The following DLGAP2 variants were observed in gnomAD, a reference collection of about 807,000 sequenced individuals.
DLGAP2 encodes DLG associated protein 2, also known as disks large-associated protein 2.
Under a neutral mutation model 100.3 loss-of-function variants are expected in DLGAP2, and 26 were observed. That is an observed-to-expected ratio of 0.26 (90% confidence interval 0.19 to 0.36). The LOEUF is 0.36. Among genes scored for constraint, DLGAP2 ranks in the 10% least tolerant of loss-of-function variants. The pLI, the probability that DLGAP2 is intolerant of heterozygous loss-of-function variation, is 1.00. For missense variants in DLGAP2, 1,858 were observed against 1,453.2 expected (o/e 1.28, Z -4.53); for synonymous variants, 886 against 630.1 (o/e 1.41, Z -6.08).
At chr8:1,453,748 A>C (rs73534626) in intron 3 of DLGAP2, among the ~76,000 whole-genome samples, 5,070 of 152,152 alleles carry the variant, frequency 0.033, 275 homozygotes, top group African/African-American at 0.12. Flanking sequence ...CTATTAGAAA[A>C]TGTGTTTGGA....
intron 3 of DLGAP2, among the ~76,000 whole-genome samples, chr8:1,346,286 C>G (rs1017644907): frequency 6.6e-6 from 1 of 151,410 alleles, no homozygotes. Flanking sequence ...AGTTCCCATA[C>G]ACATCTGCAT....
chr8:1,474,308 G>A (rs1012149807), intron 3 of DLGAP2, among the ~76,000 whole-genome samples: 2 of 152,142 alleles, frequency 1.3e-5, no homozygotes, highest in East Asian at 3.8e-4. Context: ...CTGGTTCCGT[G>A]TTTTTGTGAT....
At chr8:963,194 A>C (rs1432410021) in intron 2 of DLGAP2, among the ~76,000 whole-genome samples, 1 of 152,018 alleles carries the variant, frequency 6.6e-6, no homozygotes, top group Non-Finnish European at 1.5e-5. Context: ...GTCTCATAGG[A>C]CCTTGCCTGC....
At chr8:1,241,597 T>A (rs1798798468) in intron 2 of DLGAP2, among the ~76,000 whole-genome samples, 1 of 152,270 alleles carries the variant, frequency 6.6e-6, no homozygotes, top group Admixed American at 6.5e-5. Flanking sequence ...AGTCAGCTTC[T>A]AGAGACTTTT....
At chr8:785,454 G>C (rs1166308058) in intron 1 of DLGAP2, among the ~76,000 whole-genome samples, 1 of 148,610 alleles carries the variant, frequency 6.7e-6, no homozygotes, top group Non-Finnish European at 1.5e-5. Flanking sequence ...AGGTCTCTCT[G>C]AGACCGGCCT....
At chr8:1,230,434 C>A (rs1460891760) in intron 2 of DLGAP2, among the ~76,000 whole-genome samples, 1 of 152,088 alleles carries the variant, frequency 6.6e-6, no homozygotes, top group African/African-American at 2.4e-5. Context: ...GGCTGTACTG[C>A]CCAAAGCGAT....
chr8:1,512,072 G>A (rs908367978), intron 4 of DLGAP2, among the ~76,000 whole-genome samples: 12 of 152,180 alleles, frequency 7.9e-5, no homozygotes, highest in Non-Finnish European at 1.5e-4. Flanking sequence ...GCCCTGTGAC[G>A]CATCAGCCCA....
chr8:1,237,028 G>A (rs1170659821), intron 2 of DLGAP2, among the ~76,000 whole-genome samples: 3 of 145,148 alleles, frequency 2.1e-5, no homozygotes, highest in Non-Finnish European at 3.0e-5. Flanking sequence ...CTCACACAGA[G>A]CATCGTGTCT....
At chr8:983,758 G>A (rs893954131) in intron 2 of DLGAP2, among the ~76,000 whole-genome samples, 3 of 151,922 alleles carry the variant, frequency 2.0e-5, no homozygotes, top group East Asian at 1.9e-4. Flanking sequence ...TCCTTTCACC[G>A]CAGCCTCCCG....
intron 2 of DLGAP2, among the ~76,000 whole-genome samples, chr8:965,628 C>T (rs556937599): frequency 1.5e-5 from 2 of 135,812 alleles, no homozygotes; most frequent in Non-Finnish European, 3.1e-5. Flanking sequence ...GCACTGCACA[C>T]GGCACTGTTC....
intron 2 of DLGAP2, among the ~76,000 whole-genome samples, chr8:1,219,982 G>A (rs900961774): frequency 6.6e-6 from 1 of 151,742 alleles, no homozygotes; most frequent in African/African-American, 2.4e-5. Context: ...TTCTGATTGT[G>A]TTTATTTGGA....
intron 3 of DLGAP2, among the ~76,000 whole-genome samples, chr8:1,358,207 AAGG>A (rs1386846465): frequency 6.6e-6 from 1 of 152,206 alleles, no homozygotes; most frequent in African/African-American, 2.4e-5. Context: ...TGGACGCACA[AAGG>A]AGAAGGGGCT....
At position 1,196,149 on chromosome 8, in the gene DLGAP2, TGTA is replaced by T. The variant is rs560765204; in HGVS notation, c.74-62696_74-62694del. Among the ~76,000 whole-genome samples the T allele has an allele frequency of 3.8e-4, 58 of 152,358 alleles. No individual in the cohort carries two copies. In the East Asian group the frequency reaches 9.8e-3, roughly 26 times the overall value. ...TTTCCTGATCCACTTAACTGCTTGT[TGTA>T]GTAGTGCTCACCTGTTAAAGACCCT... On this transcript the variant is annotated intron_variant, in intron 2 of 14. Coordinates refer to ENST00000637795, the MANE Select transcript of DLGAP2 (RefSeq NM_001346810.2).
chr8:1,447,455 A>G (rs1434066437), intron 3 of DLGAP2, among the ~76,000 whole-genome samples: 1 of 152,200 alleles, frequency 6.6e-6, no homozygotes, highest in Non-Finnish European at 1.5e-5. Context: ...CATGGTGGAT[A>G]AGCTTTTTGA....
chr8:1,101,157 A>G (rs1369455538), intron 2 of DLGAP2, among the ~76,000 whole-genome samples: 3 of 152,206 alleles, frequency 2.0e-5, no homozygotes, highest in Non-Finnish European at 4.4e-5. Flanking sequence ...GCAGACGCAA[A>G]TGTTAAGTGA....
chr8:1,500,909 A>G (rs896189791), intron 3 of DLGAP2, among the ~76,000 whole-genome samples: 1 of 152,220 alleles, frequency 6.6e-6, no homozygotes, highest in South Asian at 2.1e-4. Context: ...ACATTGCAAA[A>G]TGAGGCTTCG....
intron 3 of DLGAP2, among the ~76,000 whole-genome samples, chr8:1,457,235 C>T (rs138672974): frequency 6.6e-6 from 1 of 152,304 alleles, no homozygotes; most frequent in South Asian, 2.1e-4. Flanking sequence ...TTTACAAGAT[C>T]TAACTCCAAG....
At chr8:1,288,035 T>A (rs1799980217) in intron 3 of DLGAP2, among the ~76,000 whole-genome samples, 1 of 7,712 alleles carries the variant, frequency 1.3e-4, no homozygotes, top group South Asian at 2.3e-3. Flanking sequence ...TTCGGTTGAG[T>A]GTGTGTGTGT....
At chr8:1,369,157 T>C (rs1265288504) in intron 3 of DLGAP2, 1 of 152,160 alleles carries the variant, frequency 6.6e-6, no homozygotes, top group African/African-American at 2.4e-5. Flanking sequence ...TGGACAGCTT[T>C]TGATCAAAGC....
Sources: allele counts gnomAD v4.1 joint callset (sites outside exome capture counted in the v4.1 genomes callset), GRCh38; gene constraint gnomAD v4.1.1; transcripts MANE v1.5; gene names NCBI Gene and HGNC (gene_info 2026-07-23, HGNC 2026-07-21).